The following GRIN2B variants were observed in gnomAD, a reference collection of about 807,000 sequenced individuals.
GRIN2B encodes the protein glutamate ionotropic receptor NMDA type subunit 2B.
A neutral mutation model predicts 114.5 loss-of-function variants in GRIN2B; 5 were observed. That is an observed-to-expected ratio of 0.04 (90% CI 0.02 to 0.09). The LOEUF is 0.09. Among genes scored for constraint, GRIN2B ranks in the 10% least tolerant of loss-of-function variants. The probability of loss-of-function intolerance (pLI) is 1.00; values close to 1 mark genes in which losing one functional copy is unlikely to be tolerated. For synonymous variants in GRIN2B, 787 were observed against 745.1 expected (o/e 1.06, Z -0.92); for missense variants, 1,108 against 1,943.5 (o/e 0.57, Z 8.08).
chr12:13,565,589 C>T (rs917379759), intron 13 of GRIN2B, among the ~76,000 whole-genome samples: 1 of 152,188 alleles, frequency 6.6e-6, no homozygotes, highest in Non-Finnish European at 1.5e-5. Context: ...TCAAGCCAAC[C>T]TCCTTCTCAC....
At chr12:13,686,575 CA>C (rs1950175584) in intron 4 of GRIN2B, among the ~76,000 whole-genome samples, 1 of 151,982 alleles carries the variant, frequency 6.6e-6, no homozygotes, top group South Asian at 2.1e-4. Flanking sequence ...TTGACCAGGG[CA>C]AATCACAAAG....
intron 3 of GRIN2B, among the ~76,000 whole-genome samples, chr12:13,766,983 A>G (rs951994428): frequency 1.3e-5 from 2 of 152,190 alleles, no homozygotes; most frequent in Non-Finnish European, 2.9e-5. Context: ...TTGGCCGGGC[A>G]CGGTGGCTCA....
chr12:13,714,656 C>T (rs1950440419), intron 4 of GRIN2B, among the ~76,000 whole-genome samples: 1 of 151,756 alleles, frequency 6.6e-6, no homozygotes, highest in Admixed American at 6.6e-5. Flanking sequence ...ACCCAGCCTT[C>T]CACCTATGCC....
chr12:13,865,965 T>C lies in GRIN2B; in HGVS notation c.244A>G (p.Ile82Val). 5.0e-6 allele frequency: 8 copies of C among 1,614,050 alleles called. No individual in the cohort carries two copies. The highest frequency in any genetic ancestry group is 6.8e-6 in the Non-Finnish European group (8 of 1,179,982). ...GACATGAGATCACAGATGCGGGTGA[T>C]GATGCTCTTTGGGTCGGTCTCATTC... ...AMNETDPKSI[I>V]TRICDLMSDR... is the part of the protein sequence containing the mutation. Residue 82 changes from isoleucine to valine, a missense_variant, in exon 3 of 14, where the codon ATC (isoleucine) becomes GTC (valine). By Grantham distance (29) the Ile-to-Val change is conservative. Transcript: ENST00000609686.
At chr12:13,696,686 T>C (rs928527724) in intron 4 of GRIN2B, among the ~76,000 whole-genome samples, 3 of 152,178 alleles carry the variant, frequency 2.0e-5, no homozygotes, top group Non-Finnish European at 4.4e-5. Context: ...TACGGCATCA[T>C]ATTACAGGAA....
At chr12:13,677,115 C>T (rs1009742424) in intron 4 of GRIN2B, among the ~76,000 whole-genome samples, 51 of 152,132 alleles carry the variant, frequency 3.4e-4, no homozygotes, top group African/African-American at 1.1e-3. Flanking sequence ...TGTCTTTTTA[C>T]CATAATGGCC....
intron 2 of GRIN2B, among the ~76,000 whole-genome samples, chr12:13,973,276 G>A (rs896164456): frequency 6.6e-6 from 1 of 152,116 alleles, no homozygotes; most frequent in Non-Finnish European, 1.5e-5. Context: ...AGATTAATGG[G>A]AACTTTAAGC....
At chr12:13,573,798 C>T (rs1055971178) in intron 10 of GRIN2B, among the ~76,000 whole-genome samples, 3 of 152,080 alleles carry the variant, frequency 2.0e-5, no homozygotes, top group African/African-American at 7.2e-5. Flanking sequence ...CCATGGGCCA[C>T]AAAATATCTC....
chr12:13,689,081 T>A lies in GRIN2B; in HGVS notation c.1011-13222A>T, dbSNP rs114447923. Among the ~76,000 whole-genome samples, 616 of 152,316 alleles carry A rather than the reference T, an allele frequency of 4.0e-3. 8 individuals carry two copies. The highest frequency in any genetic ancestry group is 0.014 in the African/African-American group (566 of 41,590). On this transcript the variant is annotated intron_variant, in intron 4 of 13. Coordinates refer to ENST00000609686, the MANE Select transcript of GRIN2B (RefSeq NM_000834.5). ...TTTTTAAAGGAAATTCAAAACAGGC[T>A]GTTTATTTCTCATTTTATGCAGATA...
At chr12:13,916,956 AG>A (rs1866743287) in intron 2 of GRIN2B, among the ~76,000 whole-genome samples, 1 of 152,124 alleles carries the variant, frequency 6.6e-6, no homozygotes, top group Non-Finnish European at 1.5e-5. Context: ...TGCAACTTAA[AG>A]AACAAATAGA....
intron 2 of GRIN2B, among the ~76,000 whole-genome samples, chr12:13,930,878 GC>G (rs1867016577): frequency 6.6e-6 from 1 of 152,126 alleles, no homozygotes; most frequent in African/African-American, 2.4e-5. Flanking sequence ...TGGAGAATTT[GC>G]TTTGAAATAG....
intron 2 of GRIN2B, among the ~76,000 whole-genome samples, chr12:13,911,403 G>A (rs1355313229): frequency 1.3e-5 from 2 of 152,068 alleles, no homozygotes; most frequent in Non-Finnish European, 2.9e-5. Flanking sequence ...AGAAGGCCTC[G>A]TCAACGAAAG....
At chr12:13,592,631 G>T (rs1591627279) in intron 10 of GRIN2B, among the ~76,000 whole-genome samples, 1 of 152,150 alleles carries the variant, frequency 6.6e-6, no homozygotes. Flanking sequence ...AAAGGAAAAT[G>T]AATTGCATTT....
At chr12:13,937,099 G>C (rs990686941) in intron 2 of GRIN2B, among the ~76,000 whole-genome samples, 1 of 132,730 alleles carries the variant, frequency 7.5e-6, no homozygotes, top group Non-Finnish European at 1.6e-5. Flanking sequence ...AAAAAAAAGG[G>C]GGGGGGGAAG....
intron 10 of GRIN2B, among the ~76,000 whole-genome samples, chr12:13,576,329 A>G (rs1731551270): frequency 6.6e-6 from 1 of 151,898 alleles, no homozygotes; most frequent in East Asian, 1.9e-4. Context: ...ATTATATGGC[A>G]CTTGCTTAGC....
intron 5 of GRIN2B, among the ~76,000 whole-genome samples, chr12:13,640,884 T>A (rs1949708577): frequency 6.6e-6 from 1 of 152,048 alleles, no homozygotes; most frequent in African/African-American, 2.4e-5. Flanking sequence ...TTGAAGTTTT[T>A]AAAAATTTGT....
At chr12:13,622,282 A>G (rs762470112) in intron 5 of GRIN2B, among the ~76,000 whole-genome samples, 35 of 152,222 alleles carry the variant, frequency 2.3e-4, no homozygotes, top group Admixed American at 1.3e-4. Context: ...TGACTTTTAA[A>G]ATGTGAAACT....
At chr12:13,840,142 TAC>T (rs879364905) in intron 3 of GRIN2B, among the ~76,000 whole-genome samples, 23,982 of 152,112 alleles carry the variant, frequency 0.16, 2,411 homozygotes, top group Non-Finnish European at 0.22. Flanking sequence ...GTGCGTAACG[TAC>T]TGCTCTGTTT....
At chr12:13,639,788 C>A (rs1207983355) in intron 5 of GRIN2B, among the ~76,000 whole-genome samples, 2 of 151,994 alleles carry the variant, frequency 1.3e-5, no homozygotes, top group Non-Finnish European at 2.9e-5. Context: ...CCTATTGTTG[C>A]TTCTTTTGTC....
Sources: gnomAD v4.1 joint callset for allele counts (sites outside exome capture counted in the v4.1 genomes callset) on GRCh38, gnomAD v4.1.1 for gene constraint, MANE v1.5 for transcripts, NCBI Gene and HGNC (gene_info 2026-07-23, HGNC 2026-07-21) for gene names.